Variants in SETBP1 observed in about 807,000 individuals in gnomAD.
The protein encoded by SETBP1 is SET-binding protein.
A neutral mutation model predicts 101.0 loss-of-function variants in SETBP1; 9 were observed. That is an observed-to-expected ratio of 0.09 (90% CI 0.05 to 0.16). SETBP1 has a LOEUF of 0.16. Ranked by LOEUF, SETBP1 falls within the 10% of genes least tolerant of loss-of-function variation. SETBP1 has a pLI of 1.00. For synonymous variants in SETBP1, 818 were observed against 788.5 expected (o/e 1.04, Z -0.63); for missense variants, 1,858 against 2,033.8 (o/e 0.91, Z 1.66).
chr18:44,740,138 T>A (rs766708700), intron 2 of SETBP1, among the ~76,000 whole-genome samples: 125 of 152,208 alleles, frequency 8.2e-4, no homozygotes, highest in Middle Eastern at 3.4e-3. Context: ...GGGTTATTAT[T>A]CTAGAGCGGG....
chr18:44,738,806 G>A (rs1318312844), intron 2 of SETBP1, among the ~76,000 whole-genome samples: 6 of 150,944 alleles, frequency 4.0e-5, no homozygotes, highest in East Asian at 1.9e-4. Flanking sequence ...AAAGGAAGAC[G>A]GTATACACGA....
At chr18:44,850,815 C>T (rs1255238343) in intron 2 of SETBP1, among the ~76,000 whole-genome samples, 13 of 152,226 alleles carry the variant, frequency 8.5e-5, no homozygotes, top group Admixed American at 8.5e-4. Flanking sequence ...CCTCACTGAC[C>T]ATGTCAAAAT....
chr18:44,957,512 G>A (rs765094341), intron 4 of SETBP1, among the ~76,000 whole-genome samples: 121 of 152,140 alleles, frequency 8.0e-4, no homozygotes, highest in South Asian at 1.0e-3. Context: ...TCTGAGAACT[G>A]ATTCTGAGAG....
intron 2 of SETBP1, among the ~76,000 whole-genome samples, chr18:44,860,214 C>A (rs2068972617): frequency 6.6e-6 from 1 of 152,162 alleles, no homozygotes; most frequent in Non-Finnish European, 1.5e-5. Context: ...CAGCACCCAG[C>A]TTTGCTTGGC....
intron 4 of SETBP1, among the ~76,000 whole-genome samples, chr18:45,006,081 G>A (rs1198466475): frequency 6.6e-6 from 1 of 150,518 alleles, no homozygotes; most frequent in African/African-American, 2.5e-5. Context: ...AGCCTCCTGA[G>A]TAGCTGGGAC....
intron 3 of SETBP1, among the ~76,000 whole-genome samples, chr18:44,914,549 A>G (rs904442636): frequency 5.9e-5 from 9 of 152,148 alleles, no homozygotes; most frequent in African/African-American, 2.2e-4. Context: ...TCACTTTTTG[A>G]GTGACTATCA....
At chr18:44,814,606 T>C (rs149300290) in intron 2 of SETBP1, among the ~76,000 whole-genome samples, 1 of 152,320 alleles carries the variant, frequency 6.6e-6, no homozygotes, top group African/African-American at 2.4e-5. Flanking sequence ...GAATGTTTGA[T>C]TAAAACCCCA....
intron 1 of SETBP1, among the ~76,000 whole-genome samples, chr18:44,692,647 G>A (rs1260773426): frequency 6.6e-6 from 1 of 152,180 alleles, no homozygotes; most frequent in Non-Finnish European, 1.5e-5. Flanking sequence ...GAATGACCAG[G>A]GAAGTGAGAG....
chr18:44,943,871 G>C (rs2071142721), intron 3 of SETBP1, among the ~76,000 whole-genome samples: 1 of 141,924 alleles, frequency 7.0e-6, no homozygotes, highest in South Asian at 2.2e-4. Context: ...GTCTCTCTCT[G>C]TTGCCCAGGC....
chr18:44,865,761 AG>A (rs11302715), intron 2 of SETBP1, among the ~76,000 whole-genome samples: 152,324 of 152,324 alleles, frequency 1, 76,162 homozygotes, highest in Non-Finnish European at 1. Flanking sequence ...CAGAAAGGCA[AG>A]GGGGTTGTGA....
chr18:44,697,126 A>C lies in SETBP1; in HGVS notation c.-172-4049A>C, dbSNP rs567751605. On this transcript the variant is annotated intron_variant, in intron 1 of 5. Transcript: ENST00000649279. ...TGACTGCTGGAATGTGACAAGGCAA[A>C]ACATTTTTACCTTGCCTTGGCTTCC... 3.3e-5 allele frequency: 5 copies of C among 152,336 alleles called. No homozygotes were observed. In the East Asian group the frequency reaches 9.7e-4, roughly 29 times the overall value. 9.4% of individuals were successfully genotyped at this position (152,336 alleles called of 1,614,324 possible).
At chr18:44,990,204 G>A (rs2072336316) in intron 4 of SETBP1, among the ~76,000 whole-genome samples, 1 of 152,048 alleles carries the variant, frequency 6.6e-6, no homozygotes, top group Non-Finnish European at 1.5e-5. Flanking sequence ...GTATACTGCA[G>A]AAAGACAAAA....
At chr18:44,918,606 C>T (rs552849100) in intron 3 of SETBP1, among the ~76,000 whole-genome samples, 100 of 152,178 alleles carry the variant, frequency 6.6e-4, no homozygotes, top group Non-Finnish European at 1.4e-3. Context: ...AGGAACCCAG[C>T]AGTAGGTAAA....
chr18:44,952,012 G>C lies in SETBP1; in HGVS notation c.2672G>C (p.Arg891Thr). 1 of 1,614,038 alleles carries C rather than the reference G, an allele frequency of 6.2e-7. No homozygotes were observed. The highest frequency in any genetic ancestry group is 8.5e-7 in the Non-Finnish European group (1 of 1,180,022). ...QAEKSSESRR[R>T]YSFDFCSLDN... ...GAGAAGAGCTCAGAATCCCGAAGGAGGTACTCTTTTGATTTCTGCTCCCTG... is the reference window on the plus strand; with the variant it reads ...GAGAAGAGCTCAGAATCCCGAAGGACGTACTCTTTTGATTTCTGCTCCCTG... The change falls in exon 4 of 6, where the codon AGG (arginine) becomes ACG (threonine). Residue 891 changes from arginine (R) to threonine (T), a missense_variant. Transcript: ENST00000649279.
chr18:45,045,145 C>T (rs1052845165), intron 5 of SETBP1, among the ~76,000 whole-genome samples: 2 of 151,840 alleles, frequency 1.3e-5, no homozygotes, highest in African/African-American at 4.8e-5. Context: ...AAAATACAGG[C>T]CAGGCACAGT....
intron 3 of SETBP1, among the ~76,000 whole-genome samples, chr18:44,880,802 T>TTCATGAGGGATCTGCCC (rs2069514139): frequency 6.6e-6 from 1 of 152,100 alleles, no homozygotes; most frequent in Non-Finnish European, 1.5e-5. Flanking sequence ...GCCCAAGTCA[T>TTCATGAGGGATCTGCCC]TCATGAGGGA....
rs769626940 is a variant in SETBP1, at chr18:44,950,741, G to A, written c.1401G>A (p.Leu467=). The part of the protein sequence containing the change: ...GNKKDPRVPK[L]SKMIENESPS... ...AGAAGGATCCCCGTGTCCCTAAGTT[G>A]AGTAAAATGATAGAGAATGAGTCCC... Residue 467 remains leucine, a synonymous_variant, in exon 4 of 6, where the codon TTG becomes TTA. Coordinates refer to ENST00000649279, the MANE Select transcript of SETBP1 (RefSeq NM_015559.3). 3 of 1,614,116 alleles carry A rather than the reference G, an allele frequency of 1.9e-6. No individual in the cohort carries two copies. Among genetic ancestry groups the A allele is most frequent in the East Asian group, 2.2e-5 (1 of 44,856 alleles).
intron 3 of SETBP1, among the ~76,000 whole-genome samples, chr18:44,909,460 T>C (rs578208020): frequency 6.6e-6 from 1 of 152,280 alleles, no homozygotes; most frequent in African/African-American, 2.4e-5. Context: ...TTGGCCAAGG[T>C]CCAAGGCTCT....
At chr18:44,912,132 A>G (rs1350885500) in intron 3 of SETBP1, among the ~76,000 whole-genome samples, 1 of 152,200 alleles carries the variant, frequency 6.6e-6, no homozygotes, top group African/African-American at 2.4e-5. Context: ...GTTTATTATA[A>G]GAGTCTTTTT....
Sources: allele counts gnomAD v4.1 joint callset (sites outside exome capture counted in the v4.1 genomes callset), GRCh38; gene constraint gnomAD v4.1.1; transcripts MANE v1.5; gene names NCBI Gene and HGNC (gene_info 2026-07-23, HGNC 2026-07-21).